PRKN: variants seen among roughly 807,000 people sequenced by gnomAD.
The protein encoded by PRKN is E3 ubiquitin-protein ligase parkin.
Under a neutral mutation model 59.5 loss-of-function variants are expected in PRKN, and 56 were observed. That is an observed-to-expected ratio of 0.94 (90% CI 0.76 to 1.18). PRKN has a LOEUF of 1.18. PRKN is among the 50% of genes most tolerant of loss of function. The pLI is 0.00. For missense variants in PRKN, 657 were observed against 596.4 expected (o/e 1.10, Z -1.06); for synonymous variants, 250 against 222.1 (o/e 1.13, Z -1.12).
chr6:162,379,265 C>T (rs986851314), intron 2 of PRKN, among the ~76,000 whole-genome samples: 1 of 152,112 alleles, frequency 6.6e-6, no homozygotes, highest in Non-Finnish European at 1.5e-5. Flanking sequence ...GGTCTCATCA[C>T]TCCATGAGTG....
At chr6:162,650,390 G>T (rs553758804) in intron 1 of PRKN, among the ~76,000 whole-genome samples, 1 of 151,882 alleles carries the variant, frequency 6.6e-6, no homozygotes, top group African/African-American at 2.4e-5. Flanking sequence ...GAGGTCAGGA[G>T]ATCGAGACCA....
chr6:161,951,899 C>G (rs1191134697), intron 6 of PRKN, among the ~76,000 whole-genome samples: 1 of 144,520 alleles, frequency 6.9e-6, no homozygotes, highest in Non-Finnish European at 1.5e-5. Flanking sequence ...GCCTGGGCAA[C>G]AGAGCAAGAC....
At chr6:161,508,993 C>T (rs577334198) in intron 9 of PRKN, among the ~76,000 whole-genome samples, 9 of 152,090 alleles carry the variant, frequency 5.9e-5, no homozygotes, top group Admixed American at 3.3e-4. Context: ...TACAGGCATG[C>T]GCCACCATGC....
At chr6:161,645,236 A>C (rs1312145964) in intron 7 of PRKN, among the ~76,000 whole-genome samples, 5 of 131,302 alleles carry the variant, frequency 3.8e-5, no homozygotes, top group Admixed American at 7.0e-5. Flanking sequence ...TTTCCTCAAT[A>C]AATAGCCAAA....
chr6:162,105,829 A>G (rs1780170931), intron 4 of PRKN, among the ~76,000 whole-genome samples: 1 of 152,246 alleles, frequency 6.6e-6, no homozygotes, highest in African/African-American at 2.4e-5. Flanking sequence ...GAAACAAACT[A>G]AAATATGATA....
At position 161,499,998 on chromosome 6, in the gene PRKN, C is replaced by T. The variant is rs1279923778; in HGVS notation, c.1083+48856G>A. On this transcript the variant is annotated intron_variant, in intron 9 of 11. Coordinates refer to ENST00000366898, the MANE Select transcript of PRKN (RefSeq NM_004562.3). This position sits in a 1 kb window ranked among gnomAD's most constrained non-coding sequence, Gnocchi z 4.2. ...TCCTCCTTCCCCACTTTTGTTCATG[C>T]AGTGTCTTTGCCAAAAGTCCTTCGG... is the stretch of plus-strand genomic sequence containing the variant. Among the ~76,000 whole-genome samples the T allele has an allele frequency of 6.6e-6, 1 of 152,164 alleles. No homozygotes were observed. Among genetic ancestry groups the T allele is most frequent in the African/African-American group, 2.4e-5 (1 of 41,416 alleles).
intron 2 of PRKN, among the ~76,000 whole-genome samples, chr6:162,332,797 C>A (rs1373519746): frequency 6.6e-6 from 1 of 152,112 alleles, no homozygotes; most frequent in Non-Finnish European, 1.5e-5. Context: ...CCCACACCTG[C>A]TTGTCACCTA....
intron 7 of PRKN, among the ~76,000 whole-genome samples, chr6:161,680,760 TATATATATATATATA>T (rs1251323091): frequency 0.017 from 310 of 17,802 alleles, 12 homozygotes; most frequent in African/African-American, 0.041. Flanking sequence ...TATATATATA[TATATATATATATATA>T]TTTTTTTTTT....
At chr6:161,832,363 C>T (rs192379349) in intron 6 of PRKN, among the ~76,000 whole-genome samples, 67 of 152,132 alleles carry the variant, frequency 4.4e-4, no homozygotes, top group Admixed American at 1.3e-3. Context: ...GTGGCTCTCA[C>T]GCCTGTAATC....
intron 9 of PRKN, among the ~76,000 whole-genome samples, chr6:161,523,308 G>C (rs1778905759): frequency 6.6e-6 from 1 of 152,120 alleles, no homozygotes; most frequent in African/African-American, 2.4e-5. Context: ...TGATACATCA[G>C]TTTATTTTAA....
rs560584996 is a variant in PRKN at position 161,729,853 on chromosome 6, A to G, written c.871+55919T>C. On this transcript the variant is annotated intron_variant, in intron 7 of 11. Transcript: ENST00000366898. ...TGTTGCATTCTTTCTGATGTGCTGC[A>G]TTCTGACATGTTGCATTCTTTCTGA... Among the ~76,000 whole-genome samples the G allele has an allele frequency of 1.1e-4, 17 of 150,626 alleles. No individual in the cohort carries two copies. In the East Asian group the frequency reaches 2.3e-3, roughly 21 times the overall value.
Position 162,051,554 on chromosome 6 carries a change from T to C in PRKN, c.618+2537A>G, listed in dbSNP as rs560626580. Among the ~76,000 whole-genome samples the C allele has an allele frequency of 1.9e-3, 292 of 152,226 alleles. 2 individuals carry two copies. The highest frequency in any genetic ancestry group is 6.9e-3 in the African/African-American group (288 of 41,564). On this transcript the variant is annotated intron_variant, in intron 5 of 11. Coordinates refer to ENST00000366898, the MANE Select transcript of PRKN (RefSeq NM_004562.3). The stretch of plus-strand genomic sequence containing the variant: ...TGAGAGGCGAGCAGGAGCGTGGCCT[T>C]TGTGAGAAAGGCTTCGGTCATGATG...
At chr6:161,862,797 C>G (rs1163487049) in intron 6 of PRKN, among the ~76,000 whole-genome samples, 2 of 152,128 alleles carry the variant, frequency 1.3e-5, no homozygotes, top group South Asian at 4.1e-4. Flanking sequence ...CCAAGTCACA[C>G]AGAAGCAACG....
At chr6:161,872,212 G>C (rs913636191) in intron 6 of PRKN, among the ~76,000 whole-genome samples, 3 of 150,288 alleles carry the variant, frequency 2.0e-5, no homozygotes, top group African/African-American at 7.4e-5. Flanking sequence ...TCAGTGGGAG[G>C]ACGCAGCAGC....
At chr6:162,567,746 TG>T (rs1780143005) in intron 1 of PRKN, among the ~76,000 whole-genome samples, 1 of 152,134 alleles carries the variant, frequency 6.6e-6, no homozygotes, top group African/African-American at 2.4e-5. Flanking sequence ...GACATTCTTC[TG>T]GGAAATAGAA....
chr6:162,497,529 C>G (rs1316364278), intron 1 of PRKN, among the ~76,000 whole-genome samples: 3 of 152,192 alleles, frequency 2.0e-5, no homozygotes, highest in Non-Finnish European at 1.5e-5. Flanking sequence ...CTGTTGGACT[C>G]AAACGCCCTT....
intron 5 of PRKN, among the ~76,000 whole-genome samples, chr6:161,988,031 C>T (rs946221043): frequency 2.0e-5 from 3 of 152,118 alleles, no homozygotes; most frequent in South Asian, 2.1e-4. Context: ...AATTCTCAGG[C>T]GATGGCATCT....
At chr6:161,602,149 TTACC>T (rs1244577254) in intron 7 of PRKN, among the ~76,000 whole-genome samples, 2 of 151,324 alleles carry the variant, frequency 1.3e-5, no homozygotes, top group African/African-American at 4.8e-5. Flanking sequence ...GCCTATCGAT[TTACC>T]TACCTATCTT....
At chr6:162,051,536 C>A (rs566418972) in intron 5 of PRKN, among the ~76,000 whole-genome samples, 5 of 152,158 alleles carry the variant, frequency 3.3e-5, no homozygotes, top group Admixed American at 3.3e-4. Context: ...GCCTGAGAGG[C>A]GAGCAGGAGC....
Sources: gnomAD v4.1 joint callset for allele counts (sites outside exome capture counted in the v4.1 genomes callset) on GRCh38, gnomAD v4.1.1 for gene constraint, Gnocchi (gnomAD v3.1) non-coding constraint, MANE v1.5 for transcripts, NCBI Gene and HGNC (gene_info 2026-07-23, HGNC 2026-07-21) for gene names.